The following CACHD1 variants were observed in gnomAD, a reference collection of about 807,000 sequenced individuals.
CACHD1 encodes the protein cache domain containing 1.
A neutral mutation model predicts 138.7 loss-of-function variants in CACHD1; 71 were observed. The ratio of observed to expected loss-of-function variants is 0.51; its 90% CI spans 0.42 to 0.62. The LOEUF (loss-of-function observed/expected upper bound fraction) is 0.62, where lower values mean the gene tolerates loss of function less well. Ranked by LOEUF, CACHD1 falls within the 20% of genes least tolerant of loss-of-function variation. The pLI, the probability that CACHD1 is intolerant of heterozygous loss-of-function variation, is 0.00. For missense variants in CACHD1, 1,389 were observed against 1,625.3 expected (o/e 0.85, Z 2.50); for synonymous variants, 578 against 591.5 (o/e 0.98, Z 0.33).
At chr1:64,577,960 C>G (rs1646982008) in intron 2 of CACHD1, among the ~76,000 whole-genome samples, 2 of 152,208 alleles carry the variant, frequency 1.3e-5, no homozygotes, top group Admixed American at 6.5e-5. Context: ...AAACACACCT[C>G]TGCCAGGGCT....
chr1:64,632,317 A>G (rs1570434434), intron 5 of CACHD1, among the ~76,000 whole-genome samples: 1 of 150,846 alleles, frequency 6.6e-6, no homozygotes, highest in Non-Finnish European at 1.5e-5. Context: ...GAAAAAGCCA[A>G]CCTCTGAAAG....
intron 1 of CACHD1, among the ~76,000 whole-genome samples, chr1:64,524,028 C>CA (rs36111293): frequency 0.1 from 14,926 of 145,714 alleles, 928 homozygotes; most frequent in African/African-American, 0.18. Flanking sequence ...AAAATCTGTA[C>CA]AAAAAAAAAA....
intron 4 of CACHD1, among the ~76,000 whole-genome samples, chr1:64,606,722 A>G (rs1436847280): frequency 6.6e-6 from 1 of 152,240 alleles, no homozygotes; most frequent in African/African-American, 2.4e-5. Context: ...GATAGCATTA[A>G]TAGTGCAGTG....
chr1:64,660,918 T>C (rs1036109693), intron 13 of CACHD1, among the ~76,000 whole-genome samples: 2 of 152,136 alleles, frequency 1.3e-5, no homozygotes, highest in Non-Finnish European at 1.5e-5. Flanking sequence ...CACTGCCTCA[T>C]AGAGATTATT....
rs12044863 is a variant in CACHD1, at chr1:64,634,065, G to C, written c.811G>C (p.Asp271His). The C allele has an allele frequency of 1.2e-6, 2 of 1,608,850 alleles. No homozygotes were observed. The highest frequency in any genetic ancestry group is 4.5e-5 in the East Asian group (2 of 44,702). Residue 271 changes from aspartate (D) to histidine (H), a missense_variant, in exon 7 of 27, where the codon GAT (aspartate) becomes CAT (histidine). Asp to His is a moderately conservative substitution (Grantham distance 81). Around this residue, in one of 5 missense-constraint regions of CACHD1, gnomAD observed 1,000 missense variants for 1,114.7 expected, o/e 0.90. Coordinates refer to ENST00000651257, the MANE Select transcript of CACHD1 (RefSeq NM_020925.4). ...HDKISVLTVA[D>H]TVRTCSLDQC... ...GCAGATTTCTGTGTTAACTGTGGCA[G>C]ATACCGTCCGGACTTGCTCACTAGA...
chr1:64,614,151 G>T (rs991129515), intron 4 of CACHD1, among the ~76,000 whole-genome samples: 4 of 152,210 alleles, frequency 2.6e-5, no homozygotes, highest in African/African-American at 9.7e-5. Flanking sequence ...GTGAATATTT[G>T]TCAAGTATTC....
At chr1:64,561,645 G>A (rs1646840074) in intron 2 of CACHD1, among the ~76,000 whole-genome samples, 1 of 151,982 alleles carries the variant, frequency 6.6e-6, no homozygotes, top group Non-Finnish European at 1.5e-5. Flanking sequence ...TTGAGCCCAG[G>A]AGTTCAAGAC....
chr1:64,684,200 C>A (rs972900682), intron 26 of CACHD1, among the ~76,000 whole-genome samples: 1 of 152,116 alleles, frequency 6.6e-6, no homozygotes, highest in African/African-American at 2.4e-5. Context: ...GCTCTTGTCA[C>A]CCAGGCTGGA....
chr1:64,488,741 A>T (rs1254328091), intron 1 of CACHD1, among the ~76,000 whole-genome samples: 1 of 152,236 alleles, frequency 6.6e-6, no homozygotes. Context: ...TCCTCAAAGC[A>T]TTCACATCAC....
At chr1:64,498,809 G>T (rs766534899) in intron 1 of CACHD1, among the ~76,000 whole-genome samples, 5 of 152,244 alleles carry the variant, frequency 3.3e-5, no homozygotes, top group Non-Finnish European at 5.9e-5. Context: ...TGACTACCTT[G>T]CTGGGCTGAC....
At chr1:64,666,575 A>T (rs939272261) in intron 16 of CACHD1, among the ~76,000 whole-genome samples, 5 of 152,116 alleles carry the variant, frequency 3.3e-5, no homozygotes, top group South Asian at 4.2e-4. Flanking sequence ...GAAAAGGAGG[A>T]TTGTTAATGA....
chr1:64,679,889 C>A, intron 24 of CACHD1, 133 bp downstream of exon 24: 1 of 998,796 alleles, frequency 1.0e-6, no homozygotes, highest in Non-Finnish European at 1.4e-6. Context: ...TTGGAAGTTC[C>A]CAAAGCCTGC....
At chr1:64,687,625 G>A (rs925795493) in intron 26 of CACHD1, among the ~76,000 whole-genome samples, 1 of 152,074 alleles carries the variant, frequency 6.6e-6, no homozygotes, top group Non-Finnish European at 1.5e-5. Context: ...GACCAGCCAG[G>A]TTCAGAGTGT....
Position 64,568,701 on chromosome 1 carries a change from G to A in CACHD1, c.262-13455G>A, listed in dbSNP as rs116030775. On this transcript the variant is annotated intron_variant, in intron 2 of 26. Coordinates refer to ENST00000651257, the MANE Select transcript of CACHD1 (RefSeq NM_020925.4). ...ACTAAATATAGACCCATTGACTTCA[G>A]GGGTATGTATAGTACATTAGTCAAT... Among the ~76,000 whole-genome samples, 1,220 of 152,220 alleles carry A rather than the reference G, an allele frequency of 8.0e-3. 24 individuals carry two copies. Among genetic ancestry groups the A allele is most frequent in the African/African-American group, 0.028 (1,168 of 41,518 alleles).
intron 3 of CACHD1, 89 bp from the exon 4 acceptor site, chr1:64,602,717 C>T: frequency 3.7e-6 from 3 of 818,660 alleles, no homozygotes; most frequent in Non-Finnish European, 6.4e-6. Context: ...TACGGGCTGA[C>T]CTATCTTGTA....
chr1:64,637,935 C>T (rs776649240), intron 7 of CACHD1, among the ~76,000 whole-genome samples: 1 of 152,108 alleles, frequency 6.6e-6, no homozygotes, highest in Non-Finnish European at 1.5e-5. Flanking sequence ...ATTTTTCTAA[C>T]CTTGTGGATT....
intron 2 of CACHD1, among the ~76,000 whole-genome samples, chr1:64,573,201 G>A (rs764507735): frequency 4.6e-5 from 7 of 152,146 alleles, no homozygotes; most frequent in South Asian, 2.1e-4. Context: ...AGATGAGGCC[G>A]TGAGGGTGGA....
intron 4 of CACHD1, among the ~76,000 whole-genome samples, chr1:64,619,357 T>C (rs1447177486): frequency 6.6e-6 from 1 of 152,160 alleles, no homozygotes; most frequent in Non-Finnish European, 1.5e-5. Context: ...TGAAGAAAAA[T>C]AAGCCAATGG....
Position 64,690,398 on chromosome 1 carries a change from A to G in CACHD1, c.3587-925A>G, listed in dbSNP as rs1422102695. Among the ~76,000 whole-genome samples the G allele has an allele frequency of 2.0e-5, 3 of 152,240 alleles. No individual in the cohort carries two copies. The East Asian group carries it at 5.8e-4, about 29-fold the overall frequency. The stretch of plus-strand genomic sequence containing the variant: ...CTGATTGACGCTAACTGTAGATGCA[A>G]TGGAAATATTAATGAGCTGTTGCTT... On this transcript the variant is annotated intron_variant, in intron 26 of 26. Coordinates refer to ENST00000651257, the MANE Select transcript of CACHD1 (RefSeq NM_020925.4).
Sources: gnomAD v4.1 joint callset for allele counts (sites outside exome capture counted in the v4.1 genomes callset) on GRCh38, gnomAD v4.1.1 for gene constraint, gnomAD v4.1.1 regional missense constraint, MANE v1.5 for transcripts, NCBI Gene and HGNC (gene_info 2026-07-23, HGNC 2026-07-21) for gene names.